Variants in SSBP2 observed in about 807,000 individuals in gnomAD.
SSBP2 encodes the protein single stranded DNA binding protein 2.
A neutral mutation model predicts 61.8 loss-of-function variants in SSBP2; 17 were observed. The observed-to-expected ratio is 0.28, with a 90% CI of 0.19 to 0.41. SSBP2 has a LOEUF of 0.41. Among genes scored for constraint, SSBP2 ranks in the 10% least tolerant of loss-of-function variants. The pLI, the probability that SSBP2 is intolerant of heterozygous loss-of-function variation, is 1.00. For missense variants in SSBP2, 310 were observed against 458.7 expected, an observed-to-expected ratio of 0.68 and a Z score of 2.96; for synonymous variants, 139 against 141.3, an observed-to-expected ratio of 0.98 and a Z score of 0.12.
At chr5:81,582,183 G>A (rs1335110755) in intron 4 of SSBP2, among the ~76,000 whole-genome samples, 1 of 152,136 alleles carries the variant, frequency 6.6e-6, no homozygotes, top group African/African-American at 2.4e-5. Flanking sequence ...TGACATCTAT[G>A]AGCTGCTGTT....
intron 1 of SSBP2, among the ~76,000 whole-genome samples, chr5:81,697,719 G>A (rs1276028770): frequency 6.6e-6 from 1 of 151,970 alleles, no homozygotes; most frequent in Non-Finnish European, 1.5e-5. Context: ...CTAATTTTCT[G>A]GAGACCACAA....
rs921073136 is a variant in SSBP2 at position 81,456,300 on chromosome 5, C to T, written c.687+4755G>A. The stretch of plus-strand genomic sequence containing the variant: ...GAACATTTTGTTGTTTATGCCTATC[C>T]CCTCTTTTACTATCCATTCCTTTAA... On this transcript the variant is annotated intron_variant, in intron 10 of 16. Coordinates refer to ENST00000320672, the MANE Select transcript of SSBP2 (RefSeq NM_012446.5). Among the ~76,000 whole-genome samples the T allele has an allele frequency of 2.6e-5, 4 of 151,370 alleles. No individual in the cohort carries two copies. The East Asian group carries it at 7.7e-4, about 29-fold the overall frequency.
At chr5:81,750,814 G>A in intron 1 of SSBP2, 167 bp downstream of exon 1, 3 of 749,060 alleles carry the variant, frequency 4.0e-6, no homozygotes, top group Non-Finnish European at 6.4e-6. Flanking sequence ...TCCCGGGAAA[G>A]CGCAGCTCCC....
In SSBP2 at chr5:81,733,486, G is replaced by T. The variant is rs12653360; in HGVS notation, c.62+17495C>A. Among the ~76,000 whole-genome samples, 1,352 of 151,968 alleles carry T rather than the reference G, an allele frequency of 8.9e-3. 66 individuals are homozygous for T. The East Asian group carries it at 0.13, about 15-fold the overall frequency. On this transcript the variant is annotated intron_variant, in intron 1 of 16. Transcript: ENST00000320672. ...TAGCCACACAGACGGAAACTCATTG[G>T]TCTTAACACTGAAATAGTCTCACTA...
rs138974769 is a variant in SSBP2, at chr5:81,735,619, G to C, written c.62+15362C>G. On this transcript the variant is annotated intron_variant, in intron 1 of 16. Transcript: ENST00000320672. ...AGTGAATATGCAACCATCCATTTTT[G>C]ATTTTCGAATATTTTTAATCCACTA... Among the ~76,000 whole-genome samples the C allele has an allele frequency of 2.0e-5, 3 of 152,196 alleles. No individual in the cohort carries two copies. In the South Asian group the frequency reaches 6.2e-4, roughly 32 times the overall value.
intron 1 of SSBP2, among the ~76,000 whole-genome samples, chr5:81,714,384 T>A (rs1167685050): frequency 5.3e-5 from 8 of 152,208 alleles, no homozygotes; most frequent in Non-Finnish European, 5.9e-5. Flanking sequence ...CATGTGCCTT[T>A]ATAGTAGAAT....
chr5:81,577,811 C>T (rs181453433), intron 4 of SSBP2, among the ~76,000 whole-genome samples: 1 of 151,776 alleles, frequency 6.6e-6, no homozygotes, highest in Non-Finnish European at 1.5e-5. Flanking sequence ...GATTAACCTT[C>T]ACAATGTGAT....
intron 4 of SSBP2, among the ~76,000 whole-genome samples, chr5:81,565,341 C>T (rs1773341349): frequency 6.6e-6 from 1 of 152,034 alleles, no homozygotes; most frequent in Non-Finnish European, 1.5e-5. Flanking sequence ...TAATTTTAAA[C>T]ATATAGAACA....
At chr5:81,614,468 ATTC>A (rs1399252916) in intron 4 of SSBP2, among the ~76,000 whole-genome samples, 4 of 151,930 alleles carry the variant, frequency 2.6e-5, no homozygotes, top group African/African-American at 9.7e-5. Flanking sequence ...GGAGGGTATA[ATTC>A]TTCTGGCCAT....
chr5:81,504,706 A>G lies in SSBP2; in HGVS notation c.372+8922T>C, dbSNP rs369512850. On this transcript the variant is annotated intron_variant, in intron 5 of 16. Coordinates refer to ENST00000320672, the MANE Select transcript of SSBP2 (RefSeq NM_012446.5). ...GCCCTTATCACAACTAACATATCACATATTTTAAAATAGTTATTTATTTTG... is the reference window on the plus strand; with the variant it reads ...GCCCTTATCACAACTAACATATCACGTATTTTAAAATAGTTATTTATTTTG... 2.0e-5 allele frequency among the ~76,000 whole-genome samples: 3 copies of G among 152,188 alleles called. No individual in the cohort carries two copies. The East Asian group carries it at 5.8e-4, about 29-fold the overall frequency.
intron 1 of SSBP2, among the ~76,000 whole-genome samples, chr5:81,671,837 A>C (rs1383468897): frequency 6.6e-6 from 1 of 152,190 alleles, no homozygotes; most frequent in Non-Finnish European, 1.5e-5. Flanking sequence ...GGAAGAAACC[A>C]TGGAAGAGGT....
intron 1 of SSBP2, among the ~76,000 whole-genome samples, chr5:81,696,670 C>G (rs886772639): frequency 6.6e-6 from 1 of 152,120 alleles, no homozygotes; most frequent in Non-Finnish European, 1.5e-5. Flanking sequence ...TTTTCTCTGC[C>G]GGGACTATGT....
intron 4 of SSBP2, among the ~76,000 whole-genome samples, chr5:81,525,658 A>G (rs188213893): frequency 7.0e-4 from 106 of 152,070 alleles, no homozygotes; most frequent in African/African-American, 2.4e-3. Flanking sequence ...CTCCTGGTGC[A>G]TAGTTTTTCC....
intron 5 of SSBP2, among the ~76,000 whole-genome samples, chr5:81,507,139 C>T (rs2154077252): frequency 6.6e-6 from 1 of 152,208 alleles, no homozygotes; most frequent in South Asian, 2.1e-4. Flanking sequence ...ACAAGTGGAG[C>T]CATCTGCAAA....
intron 16 of SSBP2, among the ~76,000 whole-genome samples, chr5:81,426,513 T>A (rs1761959890): frequency 6.6e-6 from 1 of 152,188 alleles, no homozygotes. Context: ...CCCGCTTAAG[T>A]TCAGGGGCAG....
chr5:81,597,201 A>G (rs1024380623), intron 4 of SSBP2, among the ~76,000 whole-genome samples: 1 of 152,222 alleles, frequency 6.6e-6, no homozygotes, highest in Admixed American at 6.5e-5. Context: ...TGGGTGAAGG[A>G]TATGAACAGA....
chr5:81,448,528 T>G (rs1324388138), intron 11 of SSBP2, among the ~76,000 whole-genome samples: 1 of 152,188 alleles, frequency 6.6e-6, no homozygotes, highest in East Asian at 1.9e-4. Context: ...ACTCTCTTCA[T>G]GATTGGACAG....
At chr5:81,597,978 G>A (rs1156239035) in intron 4 of SSBP2, among the ~76,000 whole-genome samples, 1 of 151,416 alleles carries the variant, frequency 6.6e-6, no homozygotes, top group Non-Finnish European at 1.5e-5. Flanking sequence ...TGCACGTTGT[G>A]CACATGTACC....
chr5:81,503,288 A>T (rs886384846), intron 5 of SSBP2, among the ~76,000 whole-genome samples: 4 of 152,122 alleles, frequency 2.6e-5, no homozygotes, highest in Non-Finnish European at 5.9e-5. Flanking sequence ...CCCCATCTCT[A>T]CTAAAAATAC....
Sources: gnomAD v4.1 joint callset for allele counts (sites outside exome capture counted in the v4.1 genomes callset) on GRCh38, gnomAD v4.1.1 for gene constraint, MANE v1.5 for transcripts, NCBI Gene and HGNC (gene_info 2026-07-23, HGNC 2026-07-21) for gene names.